ASIC2: variants seen among roughly 807,000 people sequenced by gnomAD.
ASIC2 encodes acid sensing ion channel subunit 2, also known as acid-sensing ion channel 2.
Under a neutral mutation model 57.3 loss-of-function variants are expected in ASIC2, and 25 were observed. The observed-to-expected ratio is 0.44, with a 90% CI of 0.32 to 0.61. The LOEUF is 0.61. Among genes scored for constraint, ASIC2 ranks in the 20% least tolerant of loss-of-function variants. The pLI, the probability that ASIC2 is intolerant of heterozygous loss-of-function variation, is 0.06. For synonymous variants in ASIC2, 319 were observed against 307.5 expected, an observed-to-expected ratio of 1.04 and a Z score of -0.39; for missense variants, 641 against 738.1, an observed-to-expected ratio of 0.87 and a Z score of 1.52.
chr17:34,092,278 A>G lies in ASIC2; in HGVS notation c.555+63700T>C, dbSNP rs1598019852. Reference sequence around the variant, plus strand: ...CCTCATCAGTGGACAACTGGAAGGCAAAGTGGTATTGGCCAGATGTACTGG... The same window carrying G: ...CCTCATCAGTGGACAACTGGAAGGCGAAGTGGTATTGGCCAGATGTACTGG... On this transcript the variant is annotated intron_variant, in intron 1 of 9. Coordinates refer to the ASIC2 transcript ENST00000359872. 1.3e-5 allele frequency among the ~76,000 whole-genome samples: 2 copies of G among 152,250 alleles called. 1 individual carries two copies. Among genetic ancestry groups the G allele is most frequent in the South Asian group, 4.1e-4 (2 of 4,838 alleles).
chr17:33,503,075 C>A (rs550047777), intron 1 of ASIC2, among the ~76,000 whole-genome samples: 1 of 152,322 alleles, frequency 6.6e-6, no homozygotes, highest in South Asian at 2.1e-4. Context: ...TGGGCATCAG[C>A]TTTCCCATGA....
At chr17:33,474,666 TG>T (rs1913161498) in intron 1 of ASIC2, among the ~76,000 whole-genome samples, 2 of 152,162 alleles carry the variant, frequency 1.3e-5, no homozygotes, top group Admixed American at 1.3e-4. Flanking sequence ...CTGACATTTT[TG>T]GGTGCTCCCT....
At chr17:33,100,575 G>A (rs138548421) in intron 2 of ASIC2, among the ~76,000 whole-genome samples, 8 of 152,140 alleles carry the variant, frequency 5.3e-5, no homozygotes, top group South Asian at 2.1e-4. Flanking sequence ...TAGTTGACAC[G>A]TTCCCCAAAC....
At chr17:33,516,224 C>T (rs903888108) in intron 1 of ASIC2, among the ~76,000 whole-genome samples, 1 of 152,210 alleles carries the variant, frequency 6.6e-6, no homozygotes, top group African/African-American at 2.4e-5. Context: ...AAGATACTCC[C>T]GAGGCCACCA....
intron 1 of ASIC2, among the ~76,000 whole-genome samples, chr17:33,505,520 G>T (rs1054174271): frequency 6.6e-6 from 1 of 152,054 alleles, no homozygotes; most frequent in East Asian, 1.9e-4. Flanking sequence ...GCTGTATAAC[G>T]CACAGGATCT....
At chr17:33,900,367 C>T (rs1330261247) in intron 1 of ASIC2, among the ~76,000 whole-genome samples, 1 of 152,128 alleles carries the variant, frequency 6.6e-6, no homozygotes, top group African/African-American at 2.4e-5. Context: ...TCTGCTGAGA[C>T]ACCCAGGCCC....
chr17:33,770,057 G>T (rs1439051328), intron 1 of ASIC2, among the ~76,000 whole-genome samples: 1 of 152,182 alleles, frequency 6.6e-6, no homozygotes, highest in African/African-American at 2.4e-5. Flanking sequence ...GGAGGCCCTA[G>T]GTAGGAGTTT....
chr17:33,876,471 G>T (rs557665092), intron 1 of ASIC2, among the ~76,000 whole-genome samples: 3 of 152,250 alleles, frequency 2.0e-5, no homozygotes, highest in Non-Finnish European at 4.4e-5. Context: ...AAACAAACTT[G>T]AGTAATTTAT....
At chr17:33,212,300 A>C (rs770159968) in intron 1 of ASIC2, among the ~76,000 whole-genome samples, 2 of 152,152 alleles carry the variant, frequency 1.3e-5, no homozygotes, top group African/African-American at 4.8e-5. Context: ...GGGTCCTTGT[A>C]AGAGGGAGGC....
At chr17:33,710,070 G>A (rs1472016704) in intron 1 of ASIC2, among the ~76,000 whole-genome samples, 1 of 152,198 alleles carries the variant, frequency 6.6e-6, no homozygotes, top group Non-Finnish European at 1.5e-5. Context: ...GGTTGATGGA[G>A]CAGAAAGGAG....
intron 1 of ASIC2, among the ~76,000 whole-genome samples, chr17:33,617,313 C>T (rs1210797644): frequency 6.6e-6 from 1 of 152,176 alleles, no homozygotes; most frequent in African/African-American, 2.4e-5. Context: ...GAATACTACA[C>T]AGCCATAAAA....
chr17:33,025,816 C>T lies in ASIC2; in HGVS notation c.1195+110G>A, dbSNP rs2091856734. ...CCCGACCAGCCCCTTTCTTCTCATC[C>T]TCTCTCCATTCCTTCTTCCACTTGA... On this transcript the variant is annotated intron_variant, in intron 5 of 9. Transcript: ENST00000225823. 1.7e-5 allele frequency: 19 copies of T among 1,088,366 alleles called. No homozygotes were observed. In the South Asian group the frequency reaches 3.3e-4, roughly 19 times the overall value. The allele number at this position is 1,088,366 out of a possible 1,614,324, so 67.4% of individuals were successfully genotyped here. A position where few individuals can be genotyped will look rare whatever the true frequency, so the allele number is the denominator to read the frequency against.
At chr17:33,488,767 A>G (rs1913657648) in intron 1 of ASIC2, among the ~76,000 whole-genome samples, 1 of 152,010 alleles carries the variant, frequency 6.6e-6, no homozygotes, top group Admixed American at 6.5e-5. Context: ...CCACATTAAG[A>G]AGGAGTTTTA....
At chr17:33,492,717 G>A (rs565140747) in intron 1 of ASIC2, among the ~76,000 whole-genome samples, 24 of 152,336 alleles carry the variant, frequency 1.6e-4, no homozygotes, top group African/African-American at 5.8e-4. Context: ...GCACTGGTGA[G>A]CTGGGGGGAC....
At chr17:33,104,293 G>T (rs1419466499) in intron 2 of ASIC2, among the ~76,000 whole-genome samples, 1 of 152,220 alleles carries the variant, frequency 6.6e-6, no homozygotes, top group East Asian at 1.9e-4. Flanking sequence ...TTAATCAGAA[G>T]CCTAGAATGT....
intron 1 of ASIC2, among the ~76,000 whole-genome samples, chr17:33,698,224 C>T (rs368387119): frequency 4.2e-4 from 64 of 152,122 alleles, no homozygotes; most frequent in African/African-American, 1.4e-3. Context: ...TATAGTGTAG[C>T]GGTTAAGTGT....
intron 1 of ASIC2, among the ~76,000 whole-genome samples, chr17:33,714,299 A>G (rs1909142998): frequency 6.6e-6 from 1 of 152,260 alleles, no homozygotes; most frequent in Admixed American, 6.5e-5. Context: ...AGCATGTAAA[A>G]GAACGTTCAT....
chr17:33,305,888 G>C (rs1906150701), intron 1 of ASIC2, among the ~76,000 whole-genome samples: 1 of 152,156 alleles, frequency 6.6e-6, no homozygotes, highest in Non-Finnish European at 1.5e-5. Flanking sequence ...TTGGCCAATT[G>C]TTTCAGCAAT....
In ASIC2 at chr17:33,017,954, G is replaced by T. The variant is rs73273968; in HGVS notation, c.1442-270C>A. Among the ~76,000 whole-genome samples the T allele has an allele frequency of 8.0e-3, 1,214 of 152,294 alleles. 17 individuals are homozygous for T. Among genetic ancestry groups the T allele is most frequent in the African/African-American group, 0.028 (1,169 of 41,556 alleles). On this transcript the variant is annotated intron_variant, in intron 7 of 9. Coordinates refer to ENST00000225823, the MANE Select transcript of ASIC2 (RefSeq NM_183377.2). ...ATCTCATGACCCACAGGGCTAACGG[G>T]GTTGTTTGGTTACACTCAAAACCAC...
Sources: gnomAD v4.1 joint callset for allele counts (sites outside exome capture counted in the v4.1 genomes callset) on GRCh38, gnomAD v4.1.1 for gene constraint, MANE v1.5 for transcripts, NCBI Gene and HGNC (gene_info 2026-07-23, HGNC 2026-07-21) for gene names.